The following ZCWPW2 variants were observed in gnomAD, a reference collection of about 807,000 sequenced individuals.
The protein encoded by ZCWPW2 is zinc finger CW-type PWWP domain protein 2.
ZCWPW2 carries 45 observed loss-of-function variants against 46.6 expected under a neutral mutation model. The ratio of observed to expected loss-of-function variants is 0.96; its 90% CI spans 0.76 to 1.24. The LOEUF (loss-of-function observed/expected upper bound fraction) is 1.24, where lower values mean the gene tolerates loss of function less well. ZCWPW2 is among the 50% of genes most tolerant of loss of function. The pLI, the probability that ZCWPW2 is intolerant of heterozygous loss-of-function variation, is 0.00. For synonymous variants in ZCWPW2, 152 were observed against 137.1 expected (o/e 1.11, Z -0.76); for missense variants, 429 against 403.9 (o/e 1.06, Z -0.53).
At chr3:28,437,785 A>G (rs1575134308) in intron 4 of ZCWPW2, among the ~76,000 whole-genome samples, 1 of 152,236 alleles carries the variant, frequency 6.6e-6, no homozygotes, top group Non-Finnish European at 1.5e-5. Flanking sequence ...GCTGAAATCC[A>G]GCCTCCTCTC....
At chr3:28,489,664 GCGCGCACA>G (rs995882021) in intron 5 of ZCWPW2, among the ~76,000 whole-genome samples, 13 of 58,074 alleles carry the variant, frequency 2.2e-4, no homozygotes, top group Admixed American at 4.6e-4. Flanking sequence ...ACACACACAC[GCGCGCACA>G]CACACACACA....
chr3:28,420,668 G>T (rs1242604239), intron 3 of ZCWPW2, among the ~76,000 whole-genome samples: 1 of 150,732 alleles, frequency 6.6e-6, no homozygotes, highest in Non-Finnish European at 1.5e-5. Flanking sequence ...TCTTTGTAAG[G>T]CCATGCTGCT....
intron 1 of ZCWPW2, among the ~76,000 whole-genome samples, chr3:28,355,819 C>A (rs148548702): frequency 1.3e-3 from 202 of 152,322 alleles, no homozygotes; most frequent in African/African-American, 4.7e-3. Flanking sequence ...AAACTGGATC[C>A]CTTCCTTACA....
intron 3 of ZCWPW2, among the ~76,000 whole-genome samples, chr3:28,433,681 A>G (rs1321661220): frequency 1.3e-5 from 2 of 149,132 alleles, no homozygotes; most frequent in Non-Finnish European, 3.0e-5. Context: ...GCTTGAACCC[A>G]GGAGACGGAG....
At chr3:28,474,259 G>C (rs1699144839) in intron 4 of ZCWPW2, among the ~76,000 whole-genome samples, 1 of 152,112 alleles carries the variant, frequency 6.6e-6, no homozygotes, top group Admixed American at 6.5e-5. Context: ...TAAATATATT[G>C]CTTGTGGCAT....
chr3:28,464,465 A>G (rs1043207478), intron 4 of ZCWPW2, among the ~76,000 whole-genome samples: 4 of 152,190 alleles, frequency 2.6e-5, no homozygotes, highest in Non-Finnish European at 5.9e-5. Context: ...GTTGGCAATC[A>G]GATGTTCCTA....
intron 3 of ZCWPW2, among the ~76,000 whole-genome samples, chr3:28,423,711 A>C (rs1169292902): frequency 6.6e-6 from 1 of 151,880 alleles, no homozygotes; most frequent in Non-Finnish European, 1.5e-5. Flanking sequence ...TTTGCTTCAT[A>C]GGGCCCACAC....
At chr3:28,351,427 T>G (rs1310555991) in intron 1 of ZCWPW2, 3 of 151,528 alleles carry the variant, frequency 2.0e-5, no homozygotes, top group Admixed American at 6.6e-5. Flanking sequence ...CAAAGCAATA[T>G]CTTAACAAAG....
At chr3:28,362,824 G>T (rs1388749554) in intron 1 of ZCWPW2, among the ~76,000 whole-genome samples, 9 of 152,078 alleles carry the variant, frequency 5.9e-5, no homozygotes, top group Admixed American at 5.9e-4. Flanking sequence ...ATGCCCATAA[G>T]TAGTAGTATG....
Position 28,353,417 on chromosome 3 carries a change from A to T in ZCWPW2, c.-134+4214A>T, listed in dbSNP as rs377316854. Among the ~76,000 whole-genome samples, 45 of 152,292 alleles carry T rather than the reference A, an allele frequency of 3.0e-4. No homozygotes were observed. The South Asian group carries it at 8.7e-3, about 29-fold the overall frequency. ...GATAAGCTAATGTGGAGGAAGTGAG[A>T]TGGAAATATGAATTCAAGGAAAAGA... On this transcript the variant is annotated intron_variant, in intron 1 of 9. Transcript: ENST00000383768.
At chr3:28,362,132 A>G (rs1260429298) in intron 1 of ZCWPW2, among the ~76,000 whole-genome samples, 2 of 152,196 alleles carry the variant, frequency 1.3e-5, no homozygotes, top group East Asian at 1.9e-4. Flanking sequence ...AATGTCCATA[A>G]GCAGATAAAT....
At chr3:28,399,661 G>A (rs553906512) in intron 2 of ZCWPW2, among the ~76,000 whole-genome samples, 3 of 152,302 alleles carry the variant, frequency 2.0e-5, no homozygotes, top group African/African-American at 4.8e-5. Context: ...CTTGCTGGGT[G>A]GCTAGATCCA....
intron 3 of ZCWPW2, among the ~76,000 whole-genome samples, chr3:28,433,784 CA>C (rs202233109): frequency 1.5e-5 from 2 of 131,980 alleles, no homozygotes; most frequent in Non-Finnish European, 1.7e-5. Flanking sequence ...AAACAAAAAA[CA>C]AAAAAAACTT....
chr3:28,505,014 A>G (rs141641816), intron 6 of ZCWPW2, among the ~76,000 whole-genome samples: 69 of 152,322 alleles, frequency 4.5e-4, no homozygotes, highest in African/African-American at 1.6e-3. Context: ...AAAAATTATT[A>G]GTGAAGCACC....
chr3:28,363,968 T>A (rs1559474081), intron 1 of ZCWPW2, among the ~76,000 whole-genome samples: 1 of 152,174 alleles, frequency 6.6e-6, no homozygotes, highest in African/African-American at 2.4e-5. Flanking sequence ...AGACTTACTC[T>A]ATCTCAAATT....
intron 4 of ZCWPW2, among the ~76,000 whole-genome samples, chr3:28,451,719 G>A (rs1307423940): frequency 3.3e-5 from 5 of 152,310 alleles, no homozygotes; most frequent in Admixed American, 2.0e-4. Context: ...CTAAGATGTA[G>A]TCTGTGATAA....
intron 4 of ZCWPW2, chr3:28,447,669 G>A (rs913167168): frequency 5.2e-6 from 2 of 387,564 alleles, no homozygotes; most frequent in Non-Finnish European, 1.0e-5. Context: ...AATTAGGCAA[G>A]AAAAAAGAAA....
chr3:28,475,889 G>C (rs942803043), intron 4 of ZCWPW2, among the ~76,000 whole-genome samples: 1 of 151,860 alleles, frequency 6.6e-6, no homozygotes, highest in African/African-American at 2.4e-5. Context: ...TTTTATTACA[G>C]AGCACTTATC....
At chr3:28,445,915 A>T (rs1697972158) in intron 4 of ZCWPW2, among the ~76,000 whole-genome samples, 1 of 152,198 alleles carries the variant, frequency 6.6e-6, no homozygotes, top group Non-Finnish European at 1.5e-5. Context: ...AATAAACATA[A>T]ATGTTACAAG....
Sources: allele counts gnomAD v4.1 joint callset (sites outside exome capture counted in the v4.1 genomes callset), GRCh38; gene constraint gnomAD v4.1.1; transcripts MANE v1.5; gene names NCBI Gene and HGNC (gene_info 2026-07-23, HGNC 2026-07-21).